RIN3: variants seen among roughly 807,000 people sequenced by gnomAD.
The protein encoded by RIN3 is RAB5 interacting protein 3.
RIN3 carries 54 observed loss-of-function variants against 76.3 expected under a neutral mutation model. The observed-to-expected ratio is 0.71, with a 90% CI of 0.57 to 0.89. RIN3 has a LOEUF of 0.89. RIN3 is among the 40% of genes least tolerant of loss of function. RIN3 has a pLI of 0.00. For missense variants in RIN3, 1,256 were observed against 1,322.1 expected (o/e 0.95, Z 0.78); for synonymous variants, 576 against 564.0 (o/e 1.02, Z -0.30).
rs1001742944 is a variant in RIN3, at chr14:92,568,074, G to T, written c.250-9286G>T. 6.6e-6 allele frequency among the ~76,000 whole-genome samples: 1 copy of T among 152,086 alleles called. No homozygotes were observed. Among genetic ancestry groups the T allele is most frequent in the African/African-American group, 2.4e-5 (1 of 41,396 alleles). On this transcript the variant is annotated intron_variant, in intron 2 of 9. Transcript: ENST00000216487. This position sits in a 1 kb window ranked among gnomAD's most constrained non-coding sequence, Gnocchi z 4.2. ...CAAGAAGTAAAAGTAACTTGCCCAC[G>T]GCTGGTGAGGGGCAGAGGTAGTATT...
chr14:92,653,461 C>T (rs1334711544), intron 6 of RIN3, among the ~76,000 whole-genome samples: 2 of 152,168 alleles, frequency 1.3e-5, no homozygotes, highest in African/African-American at 4.8e-5. Flanking sequence ...CATCCTTGCT[C>T]AAGCTCGCTC....
At chr14:92,576,262 G>T in intron 2 of RIN3, 1 of 1,288,058 alleles carries the variant, frequency 7.8e-7, no homozygotes, top group South Asian at 1.2e-5. Context: ...TTTGTGAAAG[G>T]CAGCAGAATC....
intron 6 of RIN3, among the ~76,000 whole-genome samples, chr14:92,654,139 C>A (rs888818457): frequency 3.3e-5 from 5 of 151,904 alleles, no homozygotes; most frequent in Non-Finnish European, 5.9e-5. Flanking sequence ...CATGGTGAAA[C>A]CCCATCTCTA....
intron 1 of RIN3, among the ~76,000 whole-genome samples, chr14:92,517,306 G>A (rs1029946941): frequency 2.0e-5 from 3 of 152,174 alleles, no homozygotes; most frequent in African/African-American, 4.8e-5. Flanking sequence ...CAAAGCGACT[G>A]TTATCAGATA....
chr14:92,576,209 C>T (rs1898222249), intron 2 of RIN3: 2 of 1,255,180 alleles, frequency 1.6e-6, no homozygotes, highest in South Asian at 1.3e-5. Flanking sequence ...GATGAGCTTG[C>T]TGAGACCTGC....
intron 1 of RIN3, among the ~76,000 whole-genome samples, chr14:92,552,366 A>T (rs1897451323): frequency 6.6e-6 from 1 of 152,102 alleles, no homozygotes; most frequent in South Asian, 2.1e-4. Context: ...GGGCCCTGAG[A>T]CCACCCAGGT....
At chr14:92,565,094 C>T (rs1454261810) in intron 2 of RIN3, among the ~76,000 whole-genome samples, 1 of 152,216 alleles carries the variant, frequency 6.6e-6, no homozygotes, top group East Asian at 1.9e-4. Context: ...TGTGTTCCCT[C>T]ACTGCTCCAC....
In RIN3 at chr14:92,628,956, G is replaced by GA. The variant is rs142558490; in HGVS notation, c.441-12273dup. 4.9e-3 allele frequency among the ~76,000 whole-genome samples: 744 copies of GA among 150,776 alleles called. 6 individuals carry two copies. Among genetic ancestry groups the GA allele is most frequent in the Non-Finnish European group, 3.6e-3 (246 of 67,642 alleles). On this transcript the variant is annotated intron_variant, in intron 4 of 9. Transcript: ENST00000216487. ...TGAAAGACAGAAAAAGAAAGAGAGA[G>GA]AAAAAAAAATGAAAAAGACCCTGGT...
intron 7 of RIN3, among the ~76,000 whole-genome samples, chr14:92,660,983 C>T (rs1414275971): frequency 3.3e-5 from 5 of 152,192 alleles, no homozygotes; most frequent in African/African-American, 1.2e-4. Context: ...GACTCACAGA[C>T]GTGGGTTCGA....
chr14:92,537,196 A>T (rs887869211), intron 1 of RIN3, among the ~76,000 whole-genome samples: 46 of 152,282 alleles, frequency 3.0e-4, no homozygotes, highest in Non-Finnish European at 5.4e-4. Context: ...GTTTATATGT[A>T]TGTAAGTGGT....
At chr14:92,549,268 CT>C (rs1442434045) in intron 1 of RIN3, among the ~76,000 whole-genome samples, 9 of 152,144 alleles carry the variant, frequency 5.9e-5, no homozygotes, top group African/African-American at 2.2e-4. Context: ...CCGTCACACA[CT>C]CCCACCTCCC....
intron 2 of RIN3, 52 bp downstream of exon 2, chr14:92,556,007 A>G: frequency 6.6e-7 from 1 of 1,507,896 alleles, no homozygotes; most frequent in Non-Finnish European, 9.1e-7. Flanking sequence ...TGAGGAACTC[A>G]GGCGTGCTCC....
rs908890321 is a variant in RIN3, at chr14:92,545,267, G to A, written c.45-10484G>A. On this transcript the variant is annotated intron_variant, in intron 1 of 9. Coordinates refer to ENST00000216487, the MANE Select transcript of RIN3 (RefSeq NM_024832.5). The stretch of plus-strand genomic sequence containing the variant: ...TGGGACTACAGGCACCTGCCACCAC[G>A]CCTGGCTAATTTTTTTGTATTTTTA... 2.6e-5 allele frequency among the ~76,000 whole-genome samples: 4 copies of A among 151,588 alleles called. No individual in the cohort carries two copies. The East Asian group carries it at 5.8e-4, about 22-fold the overall frequency.
At chr14:92,653,918 T>C (rs950317824) in intron 6 of RIN3, among the ~76,000 whole-genome samples, 1 of 152,074 alleles carries the variant, frequency 6.6e-6, no homozygotes, top group Admixed American at 6.5e-5. Context: ...TTTGGGAGGC[T>C]GAGGCAGGAG....
intron 2 of RIN3, among the ~76,000 whole-genome samples, chr14:92,564,308 TAA>T (rs973311918): frequency 6.6e-6 from 1 of 152,154 alleles, no homozygotes; most frequent in African/African-American, 2.4e-5. Flanking sequence ...GTTAGTGAAA[TAA>T]GTTGGTCTTT....
At position 92,680,088 on chromosome 14, in the gene RIN3, A is replaced by G. The variant is rs369098475; in HGVS notation, c.2467+3482A>G. Among the ~76,000 whole-genome samples, 8 of 152,208 alleles carry G rather than the reference A, an allele frequency of 5.3e-5. No individual in the cohort carries two copies. The South Asian group carries it at 1.7e-3, about 32-fold the overall frequency. ...AGTTCTGGAGGCTGGGAAGTCCAAG[A>G]TCAAGGCACCAGCAGACTCAGTGTC... On this transcript the variant is annotated intron_variant, in intron 8 of 9. Coordinates refer to ENST00000216487, the MANE Select transcript of RIN3 (RefSeq NM_024832.5).
chr14:92,528,262 A>C (rs12435243), intron 1 of RIN3, among the ~76,000 whole-genome samples: 136,963 of 152,164 alleles, frequency 0.9, 62,973 homozygotes, highest in Non-Finnish European at 1. Flanking sequence ...CCTCCTAGGG[A>C]GATGGCCATC....
At chr14:92,649,946 C>T (rs1418433095) in intron 5 of RIN3, among the ~76,000 whole-genome samples, 1 of 152,138 alleles carries the variant, frequency 6.6e-6, no homozygotes, top group Non-Finnish European at 1.5e-5. Context: ...TTCTTCAGTC[C>T]CTTTGTCCTG....
At chr14:92,675,692 T>C (rs1199891118) in intron 7 of RIN3, among the ~76,000 whole-genome samples, 1 of 152,222 alleles carries the variant, frequency 6.6e-6, no homozygotes, top group East Asian at 1.9e-4. Context: ...GAAGATTCTA[T>C]TCTGGTCAGA....
Sources: allele counts gnomAD v4.1 joint callset (sites outside exome capture counted in the v4.1 genomes callset), GRCh38; gene constraint gnomAD v4.1.1; non-coding constraint Gnocchi (gnomAD v3.1); transcripts MANE v1.5; gene names NCBI Gene and HGNC (gene_info 2026-07-23, HGNC 2026-07-21).